Variants in SLC4A4 observed in about 807,000 individuals in gnomAD.
SLC4A4 encodes the protein solute carrier family 4 member 4.
A neutral mutation model predicts 111.5 loss-of-function variants in SLC4A4; 27 were observed. The observed-to-expected ratio is 0.24, with a 90% CI of 0.18 to 0.33. The LOEUF is 0.33. SLC4A4 is among the 10% of genes least tolerant of loss of function. The pLI, the probability that SLC4A4 is intolerant of heterozygous loss-of-function variation, is 1.00. For synonymous variants in SLC4A4, 443 were observed against 463.4 expected (o/e 0.96, Z 0.57); for missense variants, 909 against 1,315.5 (o/e 0.69, Z 4.78).
intron 2 of SLC4A4, among the ~76,000 whole-genome samples, chr4:71,133,143 C>T (rs1743752709): frequency 6.6e-6 from 1 of 151,964 alleles, no homozygotes; most frequent in South Asian, 2.1e-4. Context: ...GCACTGAGTC[C>T]TTCTTAGTTT....
chr4:71,428,972 G>A (rs551992521), intron 7 of SLC4A4, among the ~76,000 whole-genome samples: 2 of 152,210 alleles, frequency 1.3e-5, no homozygotes, highest in South Asian at 4.1e-4. Flanking sequence ...AGGACAAATT[G>A]TGAGTATTCC....
chr4:71,305,195 G>A (rs1578795396), intron 3 of SLC4A4, among the ~76,000 whole-genome samples: 1 of 152,320 alleles, frequency 6.6e-6, no homozygotes, highest in African/African-American at 2.4e-5. Context: ...GTGAAGTTGG[G>A]ATTTGGATCT....
intron 6 of SLC4A4, among the ~76,000 whole-genome samples, chr4:71,358,455 T>C (rs1388234208): frequency 6.6e-6 from 1 of 152,122 alleles, no homozygotes; most frequent in Non-Finnish European, 1.5e-5. Context: ...AGCCACTGCA[T>C]TTCTGGAAAT....
At chr4:71,363,448 G>C (rs1730978989) in intron 6 of SLC4A4, among the ~76,000 whole-genome samples, 1 of 151,976 alleles carries the variant, frequency 6.6e-6, no homozygotes, top group Non-Finnish European at 1.5e-5. Context: ...CTGCACTTTG[G>C]ATTCCAGCTT....
chr4:71,425,061 T>G lies in SLC4A4; in HGVS notation c.808-15555T>G, dbSNP rs1245654997. Among the ~76,000 whole-genome samples the G allele has an allele frequency of 2.0e-5, 3 of 152,136 alleles. No individual in the cohort carries two copies. The East Asian group carries it at 5.8e-4, about 29-fold the overall frequency. Reference sequence around the variant, plus strand: ...AGAATACTGATTCTTATCCTTTTTCTTCTTCTACCATTTCCTAGTTCGGCA... The same window carrying G: ...AGAATACTGATTCTTATCCTTTTTCGTCTTCTACCATTTCCTAGTTCGGCA... On this transcript the variant is annotated intron_variant, in intron 7 of 25. Transcript: ENST00000264485.
At chr4:71,529,151 C>T (rs976934064) in intron 16 of SLC4A4, among the ~76,000 whole-genome samples, 21 of 152,072 alleles carry the variant, frequency 1.4e-4, no homozygotes, top group Middle Eastern at 6.8e-3. Flanking sequence ...AAATGGATAG[C>T]TTCCCAAAGA....
At chr4:71,202,328 T>C (rs1189942446) in intron 1 of SLC4A4, among the ~76,000 whole-genome samples, 3 of 152,216 alleles carry the variant, frequency 2.0e-5, no homozygotes, top group African/African-American at 7.2e-5. Flanking sequence ...AGGACATGGC[T>C]AATTCCCTTG....
chr4:71,411,381 C>G (rs1398818558), intron 7 of SLC4A4, among the ~76,000 whole-genome samples: 2 of 152,106 alleles, frequency 1.3e-5, no homozygotes, highest in Admixed American at 1.3e-4. Flanking sequence ...CTCTTGCCCC[C>G]AGTCTTTGCT....
chr4:71,409,981 G>A (rs1166392322), intron 7 of SLC4A4, among the ~76,000 whole-genome samples: 1 of 152,220 alleles, frequency 6.6e-6, no homozygotes, highest in Non-Finnish European at 1.5e-5. Context: ...GCTTCCACAT[G>A]GTGTTGAGCC....
At chr4:71,183,772 G>C (rs1745373292), upstream of SLC4A4, among the ~76,000 whole-genome samples, 1 of 152,152 alleles carries the variant, frequency 6.6e-6, no homozygotes, top group African/African-American at 2.4e-5. Flanking sequence ...TCTCTATTCT[G>C]TGTAGCAACA....
At chr4:71,251,545 A>G (rs1721069864) in intron 2 of SLC4A4, among the ~76,000 whole-genome samples, 1 of 152,162 alleles carries the variant, frequency 6.6e-6, no homozygotes, top group African/African-American at 2.4e-5. Flanking sequence ...TTTGTTGGGA[A>G]CTTGCACCAT....
rs190036573 is a variant in SLC4A4 at position 71,229,733 on chromosome 4, G to A, written c.-1-6843G>A. Among the ~76,000 whole-genome samples, 10 of 152,056 alleles carry A rather than the reference G, an allele frequency of 6.6e-5. No individual in the cohort carries two copies. The East Asian group carries it at 1.4e-3, about 21-fold the overall frequency. On this transcript the variant is annotated intron_variant, in intron 1 of 25. Transcript: ENST00000264485. The stretch of plus-strand genomic sequence containing the variant: ...CAGTATGGATGTCCAGAGCTCCAGC[G>A]GTCTGCATAGTTAAGTCAGCAACTG...
chr4:71,461,842 T>G (rs1469676858), intron 12 of SLC4A4, among the ~76,000 whole-genome samples: 1 of 152,292 alleles, frequency 6.6e-6, no homozygotes. Flanking sequence ...CGATTTTGAC[T>G]TCACTGCTGT....
chr4:71,207,178 A>G (rs963429242), intron 1 of SLC4A4, among the ~76,000 whole-genome samples: 3 of 152,216 alleles, frequency 2.0e-5, no homozygotes, highest in African/African-American at 4.8e-5. Flanking sequence ...AGATACTGGC[A>G]GCTGAAAGGA....
chr4:71,063,649 A>G (rs1560700533), intron 1 of SLC4A4, among the ~76,000 whole-genome samples: 1 of 152,158 alleles, frequency 6.6e-6, no homozygotes, highest in Non-Finnish European at 1.5e-5. Flanking sequence ...ATTTTACATA[A>G]CTGTATATTT....
chr4:71,328,446 T>C (rs960355294), intron 3 of SLC4A4, among the ~76,000 whole-genome samples: 7 of 152,120 alleles, frequency 4.6e-5, no homozygotes. Flanking sequence ...ACCAACAGTG[T>C]ATGAGCGTTC....
intron 2 of SLC4A4, among the ~76,000 whole-genome samples, chr4:71,246,043 G>A (rs1053828250): frequency 6.6e-6 from 1 of 152,214 alleles, no homozygotes; most frequent in Non-Finnish European, 1.5e-5. Flanking sequence ...CAATGTGGGT[G>A]TCATGGTTAG....
In SLC4A4 at chr4:71,179,420, T is replaced by A. The variant is rs566068046; in HGVS notation, c.-1-57156T>A. Reference sequence around the variant, plus strand: ...GGAACAGAGGAAGTCAAATTGTCCCTGTTTGCAGATGACATGATTGTATAT... The same window carrying A: ...GGAACAGAGGAAGTCAAATTGTCCCAGTTTGCAGATGACATGATTGTATAT... On this transcript the variant is annotated intron_variant, in intron 2 of 26. Coordinates refer to the SLC4A4 transcript ENST00000649996. Among the ~76,000 whole-genome samples, 4 of 152,352 alleles carry A rather than the reference T, an allele frequency of 2.6e-5. No individual in the cohort carries two copies. The East Asian group carries it at 7.7e-4, about 29-fold the overall frequency.
At chr4:71,460,469 C>T (rs1313179281) in intron 12 of SLC4A4, among the ~76,000 whole-genome samples, 7 of 152,138 alleles carry the variant, frequency 4.6e-5, no homozygotes, top group Non-Finnish European at 7.3e-5. Context: ...AACTTTTCTT[C>T]AAGCAGGGAG....
Sources: allele counts gnomAD v4.1 joint callset (sites outside exome capture counted in the v4.1 genomes callset), GRCh38; gene constraint gnomAD v4.1.1; transcripts MANE v1.5; gene names NCBI Gene and HGNC (gene_info 2026-07-23, HGNC 2026-07-21).